Variants in B4GALT5 observed in about 807,000 individuals in gnomAD.
B4GALT5 encodes beta-1,4-galactosyltransferase 5.
B4GALT5 carries 11 observed loss-of-function variants against 45.0 expected under a neutral mutation model. The ratio of observed to expected loss-of-function variants is 0.24; its 90% confidence interval spans 0.15 to 0.40. The LOEUF (loss-of-function observed/expected upper bound fraction) is 0.40, where lower values mean the gene tolerates loss of function less well. Among genes scored for constraint, B4GALT5 ranks in the 10% least tolerant of loss-of-function variants. The pLI is 1.00. For missense variants in B4GALT5, 337 were observed against 500.2 expected (o/e 0.67, Z 3.11); for synonymous variants, 185 against 182.9 (o/e 1.01, Z -0.09).
At chr20:49,686,576 C>G (rs2085786358) in intron 1 of B4GALT5, among the ~76,000 whole-genome samples, 1 of 151,666 alleles carries the variant, frequency 6.6e-6, no homozygotes, top group Non-Finnish European at 1.5e-5. Context: ...TAGAATTTAC[C>G]ATCAAATTGT....
rs368025369 is a variant in B4GALT5 at position 49,639,667 on chromosome 20, G to A, written c.917+11C>T. 4.3e-6 allele frequency: 7 copies of A among 1,612,622 alleles called. No individual in the cohort carries two copies. Among genetic ancestry groups the A allele is most frequent in the African/African-American group, 2.7e-5 (2 of 74,840 alleles). ...CATTTCTAGAAGACACCGAAAGAAC[G>A]GCAGAGGTACCTGTTCCAGAGGTCG... On this transcript the variant is annotated intron_variant, in intron 7 of 8. Coordinates refer to ENST00000371711, the MANE Select transcript of B4GALT5 (RefSeq NM_004776.4).
chr20:49,698,974 C>T (rs765748447), intron 1 of B4GALT5, among the ~76,000 whole-genome samples: 8 of 152,006 alleles, frequency 5.3e-5, no homozygotes, highest in Admixed American at 3.9e-4. Flanking sequence ...AACAATTTAT[C>T]GTAGCCTAAG....
At chr20:49,694,637 GAAGGGAAAGGGAAAGGGAAAAGGA>G (rs1262672796) in intron 1 of B4GALT5, among the ~76,000 whole-genome samples, 9 of 116,934 alleles carry the variant, frequency 7.7e-5, no homozygotes, top group African/African-American at 2.9e-4. Flanking sequence ...GCCCTGCTGA[GAAGGGAAAGGGAAAGGGAAAAGGA>G]AAGGGAAAGG....
chr20:49,689,860 ATT>A (rs1354652075), intron 1 of B4GALT5, among the ~76,000 whole-genome samples: 1 of 151,802 alleles, frequency 6.6e-6, no homozygotes, highest in Non-Finnish European at 1.5e-5. Context: ...CCCTACCCTT[ATT>A]TCCCTCTCTC....
At chr20:49,667,418 A>G (rs1365523309) in intron 1 of B4GALT5, among the ~76,000 whole-genome samples, 3 of 151,102 alleles carry the variant, frequency 2.0e-5, no homozygotes, top group Admixed American at 6.6e-5. Context: ...CGCCCGGCTA[A>G]TTTTTTTTGT....
intron 1 of B4GALT5, 54 bp downstream of exon 1, chr20:49,713,522 C>T (rs1320171605): frequency 1.3e-6 from 2 of 1,520,984 alleles, no homozygotes; most frequent in African/African-American, 1.4e-5. Flanking sequence ...GGGGATTCCC[C>T]GGGTCCCTCA....
chr20:49,704,890 A>T (rs976853172), intron 1 of B4GALT5, among the ~76,000 whole-genome samples: 1 of 152,210 alleles, frequency 6.6e-6, no homozygotes, highest in African/African-American at 2.4e-5. Flanking sequence ...AGAAACAATG[A>T]ACAGGTTCGC....
Position 49,713,670 on chromosome 20 carries a change from CAG to C in B4GALT5, c.19_20del (p.Leu7AlafsTer59). The C allele has an allele frequency of 1.3e-6, 2 of 1,529,872 alleles. No homozygotes were observed. Among genetic ancestry groups the C allele is most frequent in the Non-Finnish European group, 1.8e-6 (2 of 1,136,322 alleles). The allele number at this position is 1,529,872 out of a possible 1,614,324, so 94.8% of individuals were successfully genotyped here. A position where few individuals can be genotyped will look rare whatever the true frequency, so the allele number is the denominator to read the frequency against. ...GCAGCGAGCGGCGCGGCAGCCGCAG[CAG>C]CCCCCGGCGGGCGCGCATGCTGCAG... Reference protein sequence around the residue: MRARRGLLRLPRRSLLA... With the variant: MRARRGXLRLPRRSLLA... On this transcript the variant is annotated frameshift_variant, in exon 1 of 9. Coordinates refer to ENST00000371711, the MANE Select transcript of B4GALT5 (RefSeq NM_004776.4). LOFTEE classifies it high-confidence loss of function.
intron 1 of B4GALT5, among the ~76,000 whole-genome samples, chr20:49,664,841 T>C (rs2085682371): frequency 6.6e-6 from 1 of 152,230 alleles, no homozygotes; most frequent in South Asian, 2.1e-4. Context: ...CACATATGCA[T>C]GTATGAGCTT....
chr20:49,661,169 T>A (rs1235654854), intron 1 of B4GALT5, among the ~76,000 whole-genome samples: 1 of 152,234 alleles, frequency 6.6e-6, no homozygotes, highest in African/African-American at 2.4e-5. Context: ...GTCATATGGT[T>A]AGAGAAATCA....
At chr20:49,669,189 GC>G (rs1360926971) in intron 1 of B4GALT5, among the ~76,000 whole-genome samples, 1 of 151,808 alleles carries the variant, frequency 6.6e-6, no homozygotes, top group East Asian at 1.9e-4. Flanking sequence ...CCCTTTCCTA[GC>G]TTTTCCTGGT....
chr20:49,713,469 A>T, intron 1 of B4GALT5, 107 bp downstream of exon 1: 1 of 1,144,936 alleles, frequency 8.7e-7, no homozygotes, highest in Non-Finnish European at 1.2e-6. Flanking sequence ...TCGGAGGACC[A>T]GGCTCAGGGC....
chr20:49,636,905 A>C (rs1311740787), intron 8 of B4GALT5, among the ~76,000 whole-genome samples: 3 of 71,086 alleles, frequency 4.2e-5, no homozygotes, highest in Non-Finnish European at 1.0e-4. Context: ...CAATTTAGAA[A>C]AGACACACAC....
chr20:49,638,216 C>T (rs770821203), intron 7 of B4GALT5, among the ~76,000 whole-genome samples: 1 of 152,072 alleles, frequency 6.6e-6, no homozygotes, highest in Non-Finnish European at 1.5e-5. Flanking sequence ...GACAAGGTCT[C>T]ACTGTTGCCC....
At chr20:49,679,206 C>T (rs1333016998) in intron 1 of B4GALT5, among the ~76,000 whole-genome samples, 6 of 152,102 alleles carry the variant, frequency 3.9e-5, no homozygotes, top group Non-Finnish European at 8.8e-5. Flanking sequence ...TTAAAAATAA[C>T]CTCTTGCCTC....
At chr20:49,706,843 G>C (rs1887725) in intron 1 of B4GALT5, among the ~76,000 whole-genome samples, 1 of 152,002 alleles carries the variant, frequency 6.6e-6, no homozygotes, top group Non-Finnish European at 1.5e-5. Flanking sequence ...GTTTTTCTTT[G>C]CCTTATGTGA....
In B4GALT5 at chr20:49,698,845, C is replaced by G. The variant is rs185827919; in HGVS notation, c.115+14731G>C. On this transcript the variant is annotated intron_variant, in intron 1 of 8. Coordinates refer to ENST00000371711, the MANE Select transcript of B4GALT5 (RefSeq NM_004776.4). ...GGCAAGGTTATTTCTACCTTACATCCAAGAGTATGGAGCACAAGACTAGCT... is the reference window on the plus strand; with the variant it reads ...GGCAAGGTTATTTCTACCTTACATCGAAGAGTATGGAGCACAAGACTAGCT... Among the ~76,000 whole-genome samples the G allele has an allele frequency of 2.1e-3, 318 of 152,196 alleles. 2 individuals are homozygous for G. The highest frequency in any genetic ancestry group is 7.5e-3 in the African/African-American group (312 of 41,506).
In B4GALT5 at chr20:49,640,545, G is replaced by C. The variant is rs755706857; in HGVS notation, c.727C>G (p.Arg243Gly). 1 of 1,613,640 alleles carries C rather than the reference G, an allele frequency of 6.2e-7. No individual in the cohort carries two copies. Among genetic ancestry groups the C allele is most frequent in the Non-Finnish European group, 8.5e-7 (1 of 1,179,896 alleles). Reference sequence around the variant, plus strand: ...ATCTGTCCACATCCATAATAGTTGCGATCACTTTCCGGTATGTGATCTACA... The same window carrying C: ...ATCTGTCCACATCCATAATAGTTGCCATCACTTTCCGGTATGTGATCTACA... ...HDVDHIPESDRNYYGCGQMPR... is the reference protein window; with the variant it reads ...HDVDHIPESDGNYYGCGQMPR... Residue 243 changes from arginine (R) to glycine (G), a missense_variant, in exon 6 of 9, where the codon CGC (arginine) becomes GGC (glycine). Coordinates refer to ENST00000371711, the MANE Select transcript of B4GALT5 (RefSeq NM_004776.4).
At chr20:49,669,275 T>C (rs2085705455) in intron 1 of B4GALT5, among the ~76,000 whole-genome samples, 1 of 152,190 alleles carries the variant, frequency 6.6e-6, no homozygotes, top group African/African-American at 2.4e-5. Context: ...CCAACTTCTA[T>C]CCATGACCTC....
Sources: allele counts gnomAD v4.1 joint callset (sites outside exome capture counted in the v4.1 genomes callset), GRCh38; gene constraint gnomAD v4.1.1; transcripts MANE v1.5; gene names NCBI Gene and HGNC (gene_info 2026-07-23, HGNC 2026-07-21).